Variants in PHF12 observed in about 807,000 individuals in gnomAD.
PHF12 encodes the protein PHD factor 1.
A neutral mutation model predicts 99.8 loss-of-function variants in PHF12; 6 were observed. The ratio of observed to expected loss-of-function variants is 0.06; its 90% CI spans 0.03 to 0.12. PHF12 has a LOEUF of 0.12. PHF12 is among the 10% of genes least tolerant of loss of function. The pLI, the probability that PHF12 is intolerant of heterozygous loss-of-function variation, is 1.00. For missense variants in PHF12, 954 were observed against 1,300.1 expected, an observed-to-expected ratio of 0.73 and a Z score of 4.09; for synonymous variants, 480 against 514.9, an observed-to-expected ratio of 0.93 and a Z score of 0.92.
At chr17:28,936,517 A>T (rs1041785072) in intron 2 of PHF12, among the ~76,000 whole-genome samples, 2 of 152,244 alleles carry the variant, frequency 1.3e-5, no homozygotes, top group Non-Finnish European at 2.9e-5. Flanking sequence ...ACAGCCTACT[A>T]AGCAGGTTCT....
intron 6 of PHF12, among the ~76,000 whole-genome samples, chr17:28,918,665 A>G (rs952850799): frequency 3.9e-5 from 6 of 152,202 alleles, no homozygotes; most frequent in African/African-American, 1.4e-4. Context: ...CTTCTTTTGG[A>G]GATAGCAAGT....
Position 28,950,404 on chromosome 17 carries a change from G to A in PHF12, c.67-158C>T, listed in dbSNP as rs550961061. On this transcript the variant is annotated intron_variant, in intron 1 of 14. Transcript: ENST00000332830. This position sits in a 1 kb window ranked among gnomAD's most constrained non-coding sequence, Gnocchi z 5.7. ...CAGAATCTCTCAGCCCCCGGAACCA[G>A]GGGGAGCCCACCCTAACCGCGTTCC... The A allele has an allele frequency of 3.8e-6, 3 of 794,026 alleles. No individual in the cohort carries two copies. The South Asian group carries it at 5.5e-5, about 15-fold the overall frequency. The allele number at this position is 794,026 out of a possible 1,614,324, so 49.2% of individuals were successfully genotyped here. A position where few individuals can be genotyped will look rare whatever the true frequency, so the allele number is the denominator to read the frequency against.
chr17:28,931,623 C>T (rs1044099269), intron 2 of PHF12, among the ~76,000 whole-genome samples: 1 of 150,994 alleles, frequency 6.6e-6, no homozygotes, highest in Non-Finnish European at 1.5e-5. Context: ...ACCGTATCAC[C>T]CAAGCTGGAG....
Position 28,907,619 on chromosome 17 carries a change from C to T in PHF12, c.2512G>A (p.Gly838Arg), listed in dbSNP as rs756452000. 7.3e-5 allele frequency: 118 copies of T among 1,613,852 alleles called. No individual in the cohort carries two copies. The highest frequency in any genetic ancestry group is 5.0e-5 in the Admixed American group (3 of 59,992). ...TNYGHCNYVS[G>R]KHACIFYDEN... is the part of the protein sequence containing the mutation. ...TCGTAGAATATGCAGGCATGTTTCC[C>T]GGACACGTAGTTACAGTGACCATAG... Residue 838 changes from glycine to arginine, a missense_variant, in exon 13 of 15, where the codon GGG becomes AGG. Transcript: ENST00000332830.
rs1326801394 is a variant in PHF12 at position 28,950,500 on chromosome 17, C to A, written c.67-254G>T. On this transcript the variant is annotated intron_variant, in intron 1 of 14. Transcript: ENST00000332830. This position sits in a 1 kb window ranked among gnomAD's most constrained non-coding sequence, Gnocchi z 5.7. The stretch of plus-strand genomic sequence containing the variant: ...AGGGTAGGGGGATGGGAAGAGGGTG[C>A]GCGGTTCCCTTCTTGCCACTTCCTT... 3.6e-6 allele frequency: 2 copies of A among 559,658 alleles called. No homozygotes were observed. The highest frequency in any genetic ancestry group is 3.2e-5 in the Admixed American group (1 of 31,020). 34.7% of individuals were successfully genotyped at this position (559,658 alleles called of 1,614,324 possible).
rs2040801369 is a variant in PHF12 at position 28,951,015 on chromosome 17, G to GA, written c.-56dup. 1 of 1,609,884 alleles carries GA rather than the reference G, an allele frequency of 6.2e-7. No homozygotes were observed. Among genetic ancestry groups the GA allele is most frequent in the Non-Finnish European group, 8.5e-7 (1 of 1,177,746 alleles). Reference sequence around the variant, plus strand: ...GCTCCGGCCCCCCCAACCCCGGGGGGAGGGGGGAGGTGAGGGGAGGGGGCG... The same window carrying GA: ...GCTCCGGCCCCCCCAACCCCGGGGGGAAGGGGGGAGGTGAGGGGAGGGGGCG... On this transcript the variant is annotated 5_prime_UTR_variant, in exon 1 of 15. Coordinates refer to ENST00000332830, the MANE Select transcript of PHF12 (RefSeq NM_001033561.2).
Position 28,906,114 on chromosome 17 carries a change from T to TTG in PHF12, c.*67_*68dup. On this transcript the variant is annotated 3_prime_UTR_variant, in exon 15 of 15. Transcript: ENST00000332830. This position sits in a 1 kb window ranked among gnomAD's most constrained non-coding sequence, Gnocchi z 4.2. ...AGTATAGAAAACACCCGGGCTTGGTTTGTGTACATTTTTGCATTGCAGGAG... is the reference window on the plus strand; with the variant it reads ...AGTATAGAAAACACCCGGGCTTGGTTTGTGTGTACATTTTTGCATTGCAGGAG... The TTG allele has an allele frequency of 6.8e-7, 1 of 1,468,846 alleles. No individual in the cohort carries two copies. The highest frequency in any genetic ancestry group is 2.2e-5 in the Admixed American group (1 of 45,156). 91.0% of individuals were successfully genotyped at this position (1,468,846 alleles called of 1,614,324 possible).
chr17:28,925,848 A>G (rs2040263227), intron 3 of PHF12: 1 of 152,228 alleles, frequency 6.6e-6, no homozygotes, highest in African/African-American at 2.4e-5. Context: ...CACTAACATA[A>G]TATTTCCTTT....
intron 2 of PHF12, among the ~76,000 whole-genome samples, chr17:28,927,563 G>A (rs2040306355): frequency 1.3e-5 from 2 of 152,176 alleles, no homozygotes; most frequent in Admixed American, 6.5e-5. Context: ...AGCTGTGATG[G>A]ATTAAAGACA....
rs777494371 is a variant in PHF12, at chr17:28,911,127, T to C, written c.2200A>G (p.Met734Val). The C allele has an allele frequency of 6.2e-7, 1 of 1,614,072 alleles. No individual in the cohort carries two copies. The highest frequency in any genetic ancestry group is 1.1e-5 in the South Asian group (1 of 91,086). Residue 734 changes from methionine to valine, a missense_variant, in exon 10 of 15, where the codon ATG becomes GTG. Physicochemically the swap from Met to Val is conservative, Grantham distance 21. Around this residue, in one of 8 missense-constraint regions of PHF12, gnomAD observed 143 missense variants for 191.8 expected, o/e 0.75. Transcript: ENST00000332830. ...ATTCACTCACCTCCATTGACATCCA[T>C]AAATGCTCGAAGTGAGTTGGTGAGG... is the stretch of plus-strand genomic sequence containing the variant. Reference protein sequence around the residue: ...VDLTNSLRAFMDVNGEIEINM... With the variant: ...VDLTNSLRAFVDVNGEIEINM...
chr17:28,945,254 C>A (rs2040700747), intron 2 of PHF12: 2 of 152,158 alleles, frequency 1.3e-5, no homozygotes, highest in South Asian at 4.2e-4. Context: ...ACAAACAACC[C>A]CACTTCAAAC....
chr17:28,924,115 C>G lies in PHF12; in HGVS notation c.509G>C (p.Ser170Thr). 6.2e-7 allele frequency: 1 copy of G among 1,614,210 alleles called. No homozygotes were observed. Among genetic ancestry groups the G allele is most frequent in the South Asian group, 1.1e-5 (1 of 91,084 alleles). The change falls in exon 4 of 15, where the codon AGC becomes ACC. Residue 170 changes from serine to threonine, a missense_variant. Coordinates refer to ENST00000332830, the MANE Select transcript of PHF12 (RefSeq NM_001033561.2). ...RASRPGTPTS[S>T]ASTETPTSEQ... is the part of the protein sequence containing the mutation. ...AGAGGTGGGAGTCTCTGTGCTGGCG[C>G]TGGATGTGGGTGTGCCAGGCCTGCT...
At chr17:28,908,920 C>G (rs2039914892) in intron 11 of PHF12, 39 bp from the exon 12 acceptor site, 2 of 1,565,204 alleles carry the variant, frequency 1.3e-6, no homozygotes, top group Non-Finnish European at 1.8e-6. Flanking sequence ...TTCAGAAACT[C>G]AGATCCTGTG....
chr17:28,920,425 A>G (rs1033746201), intron 5 of PHF12, among the ~76,000 whole-genome samples: 2 of 152,260 alleles, frequency 1.3e-5, no homozygotes, highest in Non-Finnish European at 2.9e-5. Flanking sequence ...CCCAGAGACT[A>G]TAACTGGGGC....
intron 2 of PHF12, chr17:28,945,397 G>C (rs943751878): frequency 6.6e-6 from 1 of 152,046 alleles, no homozygotes; most frequent in Non-Finnish European, 1.5e-5. Flanking sequence ...CTCATTCTTC[G>C]AAAACCTCAT....
chr17:28,921,544 A>G lies in PHF12; in HGVS notation c.836+144T>C, dbSNP rs527822012. On this transcript the variant is annotated intron_variant, in intron 5 of 14. Coordinates refer to ENST00000332830, the MANE Select transcript of PHF12 (RefSeq NM_001033561.2). ...CACATACACATTCAAGGCTCTCGTC[A>G]GTCCATTAGTTAGTCTCCATGTACT... The G allele has an allele frequency of 6.4e-5, 67 of 1,052,390 alleles. No individual in the cohort carries two copies. In the African/African-American group the frequency reaches 1.1e-3, roughly 17 times the overall value. 65.2% of individuals were successfully genotyped at this position (1,052,390 alleles called of 1,614,324 possible).
chr17:28,917,351 G>A lies in PHF12; in HGVS notation c.1068C>T (p.Asn356=). Residue 356 remains asparagine (N), a synonymous_variant, in exon 7 of 15, where the codon AAC becomes AAT. Coordinates refer to ENST00000332830, the MANE Select transcript of PHF12 (RefSeq NM_001033561.2). ...SQHVVKVDFL[N]RIHKKHPPNR... ...TAGGGGGGTGCTTCTTGTGGATTCG[G>A]TTCAGGAAGTCCACTTTGACGACAT... The A allele has an allele frequency of 6.2e-7, 1 of 1,614,122 alleles. No individual in the cohort carries two copies. The highest frequency in any genetic ancestry group is 8.5e-7 in the Non-Finnish European group (1 of 1,180,026).
chr17:28,917,498 C>A, intron 6 of PHF12, 49 bp from the exon 7 acceptor site: 1 of 1,547,382 alleles, frequency 6.5e-7, no homozygotes, highest in South Asian at 1.3e-5. Flanking sequence ...AAAGGCACCT[C>A]CTATCCCAGT....
chr17:28,921,735 G>A lies in PHF12; in HGVS notation c.789C>T (p.His263=), dbSNP rs775974506. The change falls in exon 5 of 15, where the codon CAC becomes CAT. Residue 263 remains histidine, a synonymous_variant. Transcript: ENST00000332830. ...TGACGGGTAAGGGAACGAGACCATTGTGATCTAATTCATGCTGTGTCTTCT... is the reference window on the plus strand; with the variant it reads ...TGACGGGTAAGGGAACGAGACCATTATGATCTAATTCATGCTGTGTCTTCT... ...NVKKTQHELD[H]NGLVPLPVKV... 6.2e-7 allele frequency: 1 copy of A among 1,614,048 alleles called. No individual in the cohort carries two copies. Among genetic ancestry groups the A allele is most frequent in the Non-Finnish European group, 8.5e-7 (1 of 1,179,928 alleles).
Sources: gnomAD v4.1 joint callset for allele counts (sites outside exome capture counted in the v4.1 genomes callset) on GRCh38, gnomAD v4.1.1 for gene constraint, gnomAD v4.1.1 regional missense constraint, Gnocchi (gnomAD v3.1) non-coding constraint, MANE v1.5 for transcripts, NCBI Gene and HGNC (gene_info 2026-07-23, HGNC 2026-07-21) for gene names.